Variants in ST18 observed in about 807,000 individuals in gnomAD.
The protein encoded by ST18 is suppression of tumorigenicity 18 protein.
ST18 carries 50 observed loss-of-function variants against 110.0 expected under a neutral mutation model. That is an observed-to-expected ratio of 0.45 (90% CI 0.36 to 0.58). ST18 has a LOEUF of 0.58. Among genes scored for constraint, ST18 ranks in the 20% least tolerant of loss-of-function variants. The probability of loss-of-function intolerance (pLI) is 0.00; values close to 1 mark genes in which losing one functional copy is unlikely to be tolerated. For missense variants in ST18, 1,306 were observed against 1,280.1 expected (o/e 1.02, Z -0.31); for synonymous variants, 461 against 452.4 (o/e 1.02, Z -0.24).
intron 2 of ST18, among the ~76,000 whole-genome samples, chr8:52,349,666 T>C (rs867987466): frequency 3.3e-5 from 5 of 152,294 alleles, no homozygotes; most frequent in African/African-American, 4.8e-5. Context: ...GCAAAACAAA[T>C]TTCTGATTTC....
chr8:52,221,054 T>G (rs62501029), intron 4 of ST18, among the ~76,000 whole-genome samples: 17,625 of 151,846 alleles, frequency 0.12, 1,376 homozygotes, highest in Middle Eastern at 0.21. Context: ...TAAGCCAAAT[T>G]TATTTTTGTC....
chr8:52,346,160 A>AT (rs1344494294), intron 2 of ST18, among the ~76,000 whole-genome samples: 9 of 150,974 alleles, frequency 6.0e-5, no homozygotes, highest in Non-Finnish European at 1.2e-4. Flanking sequence ...CATATGTAAA[A>AT]TTTATTTTAT....
intron 2 of ST18, among the ~76,000 whole-genome samples, chr8:52,244,944 G>A (rs776396480): frequency 2.6e-5 from 4 of 152,110 alleles, no homozygotes; most frequent in Non-Finnish European, 2.9e-5. Flanking sequence ...CCAGGACTCC[G>A]TAGATAATAG....
intron 2 of ST18, among the ~76,000 whole-genome samples, chr8:52,283,077 G>A (rs564831196): frequency 6.6e-6 from 1 of 152,318 alleles, no homozygotes; most frequent in South Asian, 2.1e-4. Context: ...ACTGAGCCCA[G>A]GGGAAGTGTT....
At chr8:52,161,260 G>T in intron 14 of ST18, 115 bp downstream of exon 14, 3 of 996,132 alleles carry the variant, frequency 3.0e-6, no homozygotes, top group South Asian at 2.3e-5. Context: ...TTTCTCTCCT[G>T]CCAGCTGTAT....
rs140633403 is a variant in ST18, at chr8:52,240,557, C to A, written c.-464-10480G>T. On this transcript the variant is annotated intron_variant, in intron 2 of 25. Transcript: ENST00000689386. The stretch of plus-strand genomic sequence containing the variant: ...CTCACTTTACATTTGTTTCCTATTT[C>A]ATCTACTTTTTCTTTCTTCCATATC... Among the ~76,000 whole-genome samples, 690 of 152,274 alleles carry A rather than the reference C, an allele frequency of 4.5e-3. 4 individuals carry two copies. The highest frequency in any genetic ancestry group is 0.017 in the Middle Eastern group (5 of 294).
chr8:52,242,872 C>CAAA lies in ST18; in HGVS notation c.-464-12798_-464-12796dup, dbSNP rs200931792. ...GGGTGACAAGAGTGAGACTCTGCCT[C>CAAA]AAAAAAAAAAAAAATGTACTTAGAA... is the stretch of plus-strand genomic sequence containing the variant. On this transcript the variant is annotated intron_variant, in intron 2 of 25. Transcript: ENST00000689386. Among the ~76,000 whole-genome samples the CAAA allele has an allele frequency of 2.3e-3, 291 of 129,060 alleles. 1 individual carries two copies. Among genetic ancestry groups the CAAA allele is most frequent in the African/African-American group, 7.7e-3 (275 of 35,594 alleles). The allele number at this position is 129,060 out of a possible 152,430, so 84.7% of individuals were successfully genotyped here.
intron 8 of ST18, among the ~76,000 whole-genome samples, chr8:52,204,910 A>C (rs2079389072): frequency 6.6e-6 from 1 of 152,184 alleles, no homozygotes; most frequent in South Asian, 2.1e-4. Flanking sequence ...AGAGAAAAAC[A>C]GGCAAAGAAA....
intron 2 of ST18, among the ~76,000 whole-genome samples, chr8:52,365,245 G>A (rs182952013): frequency 2.0e-5 from 3 of 151,744 alleles, no homozygotes; most frequent in South Asian, 4.2e-4. Flanking sequence ...AATGTCAAAT[G>A]ATTTCTTCTA....
intron 2 of ST18, chr8:52,404,643 C>T (rs530464170): frequency 6.6e-6 from 1 of 152,262 alleles, no homozygotes; most frequent in South Asian, 2.1e-4. Flanking sequence ...TCCCTCACTG[C>T]CCCCTGAGCA....
At chr8:52,203,873 A>G (rs1035597648) in intron 8 of ST18, among the ~76,000 whole-genome samples, 3 of 152,188 alleles carry the variant, frequency 2.0e-5, no homozygotes, top group Non-Finnish European at 4.4e-5. Context: ...AAATTACCAA[A>G]GCTGCAAGGG....
At chr8:52,295,011 T>C (rs1279958539) in intron 2 of ST18, among the ~76,000 whole-genome samples, 1 of 152,154 alleles carries the variant, frequency 6.6e-6, no homozygotes, top group African/African-American at 2.4e-5. Context: ...AGAATGAAAA[T>C]AAAAGGAGAT....
chr8:52,119,598 C>T (rs894290524), intron 23 of ST18, among the ~76,000 whole-genome samples: 2 of 152,144 alleles, frequency 1.3e-5, no homozygotes, highest in Admixed American at 6.5e-5. Flanking sequence ...CAATTTCTTC[C>T]TTAGGTACAC....
chr8:52,145,597 T>A (rs2056970519), intron 16 of ST18, among the ~76,000 whole-genome samples: 2 of 152,206 alleles, frequency 1.3e-5, no homozygotes, highest in African/African-American at 4.8e-5. Flanking sequence ...TCAATAGCAT[T>A]TGTAAAAATC....
chr8:52,271,115 GT>G (rs1389598131), intron 2 of ST18, among the ~76,000 whole-genome samples: 1 of 152,050 alleles, frequency 6.6e-6, no homozygotes. Context: ...AGCCAGGTTG[GT>G]CTCGATCTTC....
chr8:52,203,111 A>C (rs1274812070), intron 8 of ST18, among the ~76,000 whole-genome samples: 2 of 152,226 alleles, frequency 1.3e-5, no homozygotes, highest in African/African-American at 4.8e-5. Context: ...GTCTTCAAAA[A>C]GTAGGCAGTA....
intron 2 of ST18, among the ~76,000 whole-genome samples, chr8:52,317,399 G>A (rs2096050865): frequency 6.6e-6 from 1 of 152,228 alleles, no homozygotes; most frequent in Non-Finnish European, 1.5e-5. Context: ...GGAACCACCA[G>A]AAGCTGGAAG....
rs2065334919 is a variant in ST18 at position 52,172,520 on chromosome 8, C to T, written c.341G>A (p.Arg114Lys). Residue 114 changes from arginine to lysine, a missense_variant, in exon 10 of 26, where the codon AGG becomes AAG. Coordinates refer to ENST00000689386, the MANE Select transcript of ST18 (RefSeq NM_001352837.2). ...LLSTAQENSS[R>K]KEDRYSCYQE... ...ATAACAAGAGTATCTGTCTTCCTTC[C>T]TACTGGAGTTTTCTTGTGCAGTTGA... The T allele has an allele frequency of 1.9e-6, 3 of 1,611,552 alleles. No individual in the cohort carries two copies. The highest frequency in any genetic ancestry group is 2.2e-5 in the East Asian group (1 of 44,866).
At chr8:52,335,762 C>T (rs1046318234) in intron 2 of ST18, among the ~76,000 whole-genome samples, 5 of 152,112 alleles carry the variant, frequency 3.3e-5, no homozygotes, top group African/African-American at 1.2e-4. Context: ...AACCTTGGAA[C>T]CTTGGGACCT....
Sources: allele counts gnomAD v4.1 joint callset (sites outside exome capture counted in the v4.1 genomes callset), GRCh38; gene constraint gnomAD v4.1.1; transcripts MANE v1.5; gene names NCBI Gene and HGNC (gene_info 2026-07-23, HGNC 2026-07-21).